The following ARHGAP26 variants were observed in gnomAD, a reference collection of about 807,000 sequenced individuals.
ARHGAP26 encodes rho GTPase-activating protein 26.
In ARHGAP26, 38 loss-of-function variants were observed where a neutral mutation model predicts 104.8. The ratio of observed to expected loss-of-function variants is 0.36; its 90% CI spans 0.28 to 0.48. The LOEUF (loss-of-function observed/expected upper bound fraction) is 0.48. Ranked by LOEUF, ARHGAP26 falls within the 20% of genes least tolerant of loss-of-function variation. The pLI, the probability that ARHGAP26 is intolerant of heterozygous loss-of-function variation, is 0.99. For synonymous variants in ARHGAP26, 341 were observed against 340.0 expected (o/e 1.00, Z -0.03); for missense variants, 704 against 947.9 (o/e 0.74, Z 3.38).
chr5:143,170,688 A>C (rs1470459308), intron 20 of ARHGAP26: 3 of 152,232 alleles, frequency 2.0e-5, no homozygotes, highest in African/African-American at 7.2e-5. Context: ...CACATTTTGC[A>C]CATGAGGCAT....
At chr5:142,788,620 A>G (rs557092360) in intron 1 of ARHGAP26, among the ~76,000 whole-genome samples, 1 of 152,170 alleles carries the variant, frequency 6.6e-6, no homozygotes, top group Admixed American at 6.5e-5. Flanking sequence ...TATTCCCTTA[A>G]CAATACAGTA....
At chr5:142,963,172 G>GTATATA (rs58576577) in intron 11 of ARHGAP26, among the ~76,000 whole-genome samples, 1,930 of 88,314 alleles carry the variant, frequency 0.022, 23 homozygotes, top group Non-Finnish European at 0.033. Context: ...TGGTATATAT[G>GTATATA]TATATATATA....
At chr5:142,877,277 G>A (rs1041888950) in intron 3 of ARHGAP26, among the ~76,000 whole-genome samples, 10 of 152,148 alleles carry the variant, frequency 6.6e-5, no homozygotes, top group Admixed American at 1.3e-4. Flanking sequence ...AAGCAAAGCC[G>A]CACCTTCTCT....
chr5:143,199,502 C>G lies in ARHGAP26; in HGVS notation c.1989-7696C>G, dbSNP rs116969290. On this transcript the variant is annotated intron_variant, in intron 20 of 22. Coordinates refer to ENST00000645722, the MANE Select transcript of ARHGAP26 (RefSeq NM_001135608.3). ...GGATATTTTCCAAGGAAGAAGAATT[C>G]AATGAAATGGGATTAGATTAGATAG... 8.5e-5 allele frequency among the ~76,000 whole-genome samples: 13 copies of G among 152,292 alleles called. No individual in the cohort carries two copies. In the East Asian group the frequency reaches 2.3e-3, roughly 27 times the overall value.
intron 11 of ARHGAP26, among the ~76,000 whole-genome samples, chr5:142,996,956 G>A (rs1300178326): frequency 6.6e-6 from 1 of 152,132 alleles, no homozygotes; most frequent in Non-Finnish European, 1.5e-5. Context: ...GCTGGTGGGA[G>A]TCTTAATTAG....
chr5:143,001,224 C>T (rs1292631575), intron 11 of ARHGAP26, among the ~76,000 whole-genome samples: 2 of 152,020 alleles, frequency 1.3e-5, no homozygotes, highest in Admixed American at 1.3e-4. Context: ...ACTATCTGAG[C>T]TGATGTTTCT....
chr5:143,063,718 CT>C (rs1787081918), intron 17 of ARHGAP26, among the ~76,000 whole-genome samples: 1 of 152,350 alleles, frequency 6.6e-6, no homozygotes. Context: ...GGAATGGCCC[CT>C]CCCCAGCCTC....
intron 1 of ARHGAP26, among the ~76,000 whole-genome samples, chr5:142,849,472 A>G (rs1014145468): frequency 2.6e-5 from 4 of 152,074 alleles, no homozygotes; most frequent in Non-Finnish European, 5.9e-5. Flanking sequence ...TCTGTGTTGA[A>G]ATTCTCTCCT....
chr5:142,921,109 A>G (rs1254737334), intron 10 of ARHGAP26, among the ~76,000 whole-genome samples: 1 of 152,218 alleles, frequency 6.6e-6, no homozygotes, highest in African/African-American at 2.4e-5. Context: ...ATGAATAGGT[A>G]AAGGGCAGTA....
chr5:143,048,271 A>G (rs921463126), intron 14 of ARHGAP26, among the ~76,000 whole-genome samples: 4 of 151,880 alleles, frequency 2.6e-5, no homozygotes, highest in Admixed American at 2.6e-4. Flanking sequence ...TCTTATGACT[A>G]TTTTATTGAG....
rs184596439 is a variant in ARHGAP26, at chr5:143,206,963, C to T, written c.1989-235C>T. ...GAAGAAGCTTCTATCACCTGAAAAG[C>T]AGTTGTTCTGCAGGGCAAAGCCTGT... On this transcript the variant is annotated intron_variant, in intron 20 of 22. Coordinates refer to ENST00000645722, the MANE Select transcript of ARHGAP26 (RefSeq NM_001135608.3). Among the ~76,000 whole-genome samples the T allele has an allele frequency of 3.2e-3, 489 of 152,324 alleles. 4 individuals carry two copies. The highest frequency in any genetic ancestry group is 3.9e-3 in the Non-Finnish European group (267 of 68,034).
At chr5:143,089,656 G>T (rs1386750097) in intron 17 of ARHGAP26, among the ~76,000 whole-genome samples, 2 of 152,156 alleles carry the variant, frequency 1.3e-5, no homozygotes, top group African/African-American at 4.8e-5. Context: ...AACATCTCTA[G>T]TGTAGTTAGT....
At chr5:142,884,656 G>A (rs964914741) in intron 4 of ARHGAP26, among the ~76,000 whole-genome samples, 5 of 152,090 alleles carry the variant, frequency 3.3e-5, no homozygotes, top group African/African-American at 9.7e-5. Flanking sequence ...TATGCCAAAC[G>A]CTATCCTTGG....
chr5:142,946,366 G>A (rs1247002401), intron 11 of ARHGAP26, among the ~76,000 whole-genome samples: 2 of 152,214 alleles, frequency 1.3e-5, no homozygotes, highest in East Asian at 1.9e-4. Flanking sequence ...TCCAGCAACA[G>A]CACCAGTTAC....
chr5:143,012,868 A>T (rs1276127622), intron 11 of ARHGAP26, among the ~76,000 whole-genome samples: 1 of 151,438 alleles, frequency 6.6e-6, no homozygotes, highest in Non-Finnish European at 1.5e-5. Flanking sequence ...GTTAGCCAGG[A>T]TGGTCTCGAT....
At chr5:142,844,968 G>T (rs1016011445) in intron 1 of ARHGAP26, among the ~76,000 whole-genome samples, 6 of 152,214 alleles carry the variant, frequency 3.9e-5, no homozygotes, top group Non-Finnish European at 5.9e-5. Flanking sequence ...AGACCAGCAC[G>T]TGTGGAGGAG....
intron 6 of ARHGAP26, among the ~76,000 whole-genome samples, chr5:142,900,659 C>G (rs1379000888): frequency 6.6e-6 from 1 of 151,746 alleles, no homozygotes; most frequent in Non-Finnish European, 1.5e-5. Context: ...ATAGCTGCCT[C>G]TCAGAAAAGG....
At chr5:142,963,179 T>TATATATATATATATAC (rs1770600429) in intron 11 of ARHGAP26, among the ~76,000 whole-genome samples, 7 of 104,132 alleles carry the variant, frequency 6.7e-5, no homozygotes, top group Admixed American at 1.8e-4. Context: ...TATGTATATA[T>TATATATATATATATAC]ATATATATAT....
intron 17 of ARHGAP26, among the ~76,000 whole-genome samples, chr5:143,084,980 G>C (rs1281492998): frequency 6.7e-6 from 1 of 149,996 alleles, no homozygotes; most frequent in Non-Finnish European, 1.5e-5. Flanking sequence ...GGGAGACGGA[G>C]GTTACAGTGA....
Sources: allele counts gnomAD v4.1 joint callset (sites outside exome capture counted in the v4.1 genomes callset), GRCh38; gene constraint gnomAD v4.1.1; transcripts MANE v1.5; gene names NCBI Gene and HGNC (gene_info 2026-07-23, HGNC 2026-07-21).